FMO1: variants seen among roughly 807,000 people sequenced by gnomAD.
FMO1 encodes the protein flavin containing dimethylaniline monoxygenase 1.
Under a neutral mutation model 45.4 loss-of-function variants are expected in FMO1, and 36 were observed. That is an observed-to-expected ratio of 0.79 (90% CI 0.61 to 1.05). FMO1 has a LOEUF of 1.05. Among genes scored for constraint, FMO1 ranks in the 50% least tolerant of loss-of-function variants. The probability of loss-of-function intolerance (pLI) is 0.00; values close to 1 mark genes in which losing one functional copy is unlikely to be tolerated. For synonymous variants in FMO1, 228 were observed against 227.2 expected, an observed-to-expected ratio of 1.00 and a Z score of -0.03; for missense variants, 615 against 640.3, an observed-to-expected ratio of 0.96 and a Z score of 0.43.
chr1:171,258,532 G>A (rs1266394653), intron 2 of FMO1, among the ~76,000 whole-genome samples: 1 of 152,196 alleles, frequency 6.6e-6, no homozygotes, highest in Admixed American at 6.5e-5. Flanking sequence ...AAAGGAGCAG[G>A]ACCAGGGCGT....
intron 8 of FMO1, 28 bp from the exon 9 acceptor site, chr1:171,285,170 TCACC>T (rs1364921595): frequency 3.5e-6 from 5 of 1,433,706 alleles, no homozygotes; most frequent in Admixed American, 2.2e-5. Flanking sequence ...TTTTTTGTCT[TCACC>T]TTTTCCCCCA....
intron 2 of FMO1, among the ~76,000 whole-genome samples, chr1:171,261,343 A>ACACACACACACACACACAC (rs59981493): frequency 1.3e-5 from 2 of 151,964 alleles, no homozygotes; most frequent in Admixed American, 6.6e-5. Flanking sequence ...ACACACACAC[A>ACACACACACACACACACAC]AAAGGTTAGA....
intron 1 of FMO1, among the ~76,000 whole-genome samples, chr1:171,249,687 G>C (rs576617069): frequency 9.3e-6 from 1 of 107,950 alleles, no homozygotes; most frequent in Admixed American, 8.5e-5. Context: ...AGGTGTAGGA[G>C]TGTGTGTGTG....
At chr1:171,275,216 T>C in intron 3 of FMO1, 130 bp from the exon 4 acceptor site, 1 of 656,338 alleles carries the variant, frequency 1.5e-6, no homozygotes, top group East Asian at 2.9e-5. Flanking sequence ...TGATTAGGTT[T>C]CTAGGGTTAT....
At chr1:171,250,500 A>G (rs1659837537) in intron 1 of FMO1, among the ~76,000 whole-genome samples, 1 of 152,224 alleles carries the variant, frequency 6.6e-6, no homozygotes, top group African/African-American at 2.4e-5. Flanking sequence ...TTGACCTCTC[A>G]TGATCTACTG....
intron 3 of FMO1, 22 bp downstream of exon 3, chr1:171,267,753 A>G: frequency 4.5e-6 from 7 of 1,571,912 alleles, no homozygotes; most frequent in Non-Finnish European, 5.2e-6. Flanking sequence ...AACATCAGTT[A>G]GTAGTCAGAA....
intron 2 of FMO1, among the ~76,000 whole-genome samples, chr1:171,263,155 T>G (rs1256726486): frequency 6.6e-6 from 1 of 152,218 alleles, no homozygotes; most frequent in Non-Finnish European, 1.5e-5. Context: ...ATTTCCATGG[T>G]AGCTGTGAAA....
chr1:171,281,109 T>A, intron 6 of FMO1, 124 bp downstream of exon 6: 1 of 746,926 alleles, frequency 1.3e-6, no homozygotes, highest in African/African-American at 1.8e-5. Context: ...TGATACAAAT[T>A]TGCTTGATAA....
At chr1:171,273,514 T>TTTG (rs201416000) in intron 3 of FMO1, among the ~76,000 whole-genome samples, 3,087 of 152,174 alleles carry the variant, frequency 0.02, 110 homozygotes, top group African/African-American at 0.07. Flanking sequence ...CCTTTTTTAT[T>TTTG]TTGTTGTTGT....
At chr1:171,282,893 C>A in intron 7 of FMO1, 1 of 396,676 alleles carries the variant, frequency 2.5e-6, no homozygotes, top group Non-Finnish European at 4.5e-6. Context: ...AACATTCAGC[C>A]AAACTAGTTG....
intron 2 of FMO1, among the ~76,000 whole-genome samples, chr1:171,264,966 C>A (rs1280572411): frequency 6.6e-6 from 1 of 152,082 alleles, no homozygotes; most frequent in Non-Finnish European, 1.5e-5. Context: ...TCAGCATCCA[C>A]ATGTTTGTTA....
intron 2 of FMO1, among the ~76,000 whole-genome samples, chr1:171,265,711 CA>C (rs1660591559): frequency 7.1e-6 from 1 of 141,594 alleles, no homozygotes; most frequent in Admixed American, 6.7e-5. Context: ...TTTAAATACA[CA>C]TTTTTTTATA....
rs1019161136 is a variant in FMO1, at chr1:171,255,449, C to A, written c.-6-2633C>A. ...CAGCTAGCTCACAGCAGATCCAGGT[C>A]TCCAGCTGTACTTCCCTCTGCTCCA... On this transcript the variant is annotated intron_variant, in intron 1 of 8. Transcript: ENST00000617670. Among the ~76,000 whole-genome samples, 6 of 152,230 alleles carry A rather than the reference C, an allele frequency of 3.9e-5. No individual in the cohort carries two copies. The South Asian group carries it at 1.2e-3, about 32-fold the overall frequency.
At position 171,280,768 on chromosome 1, in the gene FMO1, G is replaced by A; in HGVS notation, c.628-18G>A. 1.2e-6 allele frequency: 2 copies of A among 1,607,824 alleles called. No individual in the cohort carries two copies. Among genetic ancestry groups the A allele is most frequent in the Non-Finnish European group, 1.7e-6 (2 of 1,176,098 alleles). On this transcript the variant is annotated intron_variant, in intron 5 of 8. Transcript: ENST00000617670. The stretch of plus-strand genomic sequence containing the variant: ...TGTTCACAGTGTCAAATGAAGGGAT[G>A]TCTTTGATTGCTTCCAGGTGTTCCT...
chr1:171,269,581 C>T (rs1341243911), intron 3 of FMO1, among the ~76,000 whole-genome samples: 2 of 152,132 alleles, frequency 1.3e-5, no homozygotes, highest in South Asian at 2.1e-4. Context: ...AACAAAACAG[C>T]ACTCCATCAC....
Position 171,280,887 on chromosome 1 carries a change from GA to G in FMO1, c.730del (p.Arg244GlufsTer9). 1.2e-6 allele frequency: 2 copies of G among 1,613,980 alleles called. No individual in the cohort carries two copies. Among genetic ancestry groups the G allele is most frequent in the Non-Finnish European group, 1.7e-6 (2 of 1,179,882 alleles). On this transcript the variant is annotated frameshift_variant, in exon 6 of 9. Coordinates refer to ENST00000617670, the MANE Select transcript of FMO1 (RefSeq NM_001282693.2). LOFTEE classifies it high-confidence loss of function. ...TCATGACACGCTTTCAGAACATGTT[GA>G]GAAATTCCCTCCCAACCCCAATTGT... Reference protein sequence around the residue: ...VFMTRFQNMLRNSLPTPIVTW... With the variant: ...VFMTRFQNMLXNSLPTPIVTW...
At position 171,282,017 on chromosome 1, in the gene FMO1, A is replaced by T. The variant is rs759144350; in HGVS notation, c.867A>T (p.Pro289=). The T allele has an allele frequency of 1.7e-5, 27 of 1,612,790 alleles. 1 individual carries two copies. In the East Asian group the frequency reaches 3.6e-4, roughly 21 times the overall value. The change falls in exon 7 of 9, where the codon CCA becomes CCT. Residue 289 remains proline, a synonymous_variant. Coordinates refer to ENST00000617670, the MANE Select transcript of FMO1 (RefSeq NM_001282693.2). ...AGTTTGTGCTAAATGATGAGCTCCC[A>T]GGACGCATCATCACTGGGAAAGTGT... The part of the protein sequence containing the change: ...LKEFVLNDEL[P]GRIITGKVFI...
Position 171,280,914 on chromosome 1 carries a change from GA to G in FMO1, c.757del (p.Thr253LeufsTer3). On this transcript the variant is annotated frameshift_variant, in exon 6 of 9. Transcript: ENST00000617670. LOFTEE classifies it high-confidence loss of function. ...GAAATTCCCTCCCAACCCCAATTGT[GA>G]CTTGGTTGATGGAGCGAAAGATAAA... ...LRNSLPTPIV[T>X]WLMERKINNW... The G allele has an allele frequency of 6.2e-7, 1 of 1,613,916 alleles. No homozygotes were observed. Among genetic ancestry groups the G allele is most frequent in the East Asian group, 2.2e-5 (1 of 44,872 alleles).
At chr1:171,254,663 A>G (rs978562359) in intron 1 of FMO1, among the ~76,000 whole-genome samples, 2 of 152,176 alleles carry the variant, frequency 1.3e-5, no homozygotes, top group Non-Finnish European at 2.9e-5. Context: ...GAGTAAGGCA[A>G]GCTTACTGTG....
Sources: allele counts gnomAD v4.1 joint callset (sites outside exome capture counted in the v4.1 genomes callset), GRCh38; gene constraint gnomAD v4.1.1; transcripts MANE v1.5; gene names NCBI Gene and HGNC (gene_info 2026-07-23, HGNC 2026-07-21).